The following RFX3 variants were observed in gnomAD, a reference collection of about 807,000 sequenced individuals.
RFX3 encodes transcription factor RFX3.
RFX3 carries 14 observed loss-of-function variants against 98.6 expected under a neutral mutation model. The ratio of observed to expected loss-of-function variants is 0.14; its 90% CI spans 0.09 to 0.22. RFX3 has a LOEUF of 0.22. Ranked by LOEUF, RFX3 falls within the 10% of genes least tolerant of loss-of-function variation. The pLI is 1.00. For missense variants in RFX3, 639 were observed against 926.9 expected (o/e 0.69, Z 4.03); for synonymous variants, 383 against 328.4 (o/e 1.17, Z -1.80).
At chr9:3,358,693 A>C (rs970422504) in intron 2 of RFX3, among the ~76,000 whole-genome samples, 1 of 152,118 alleles carries the variant, frequency 6.6e-6, no homozygotes, top group Non-Finnish European at 1.5e-5. Context: ...TCATTCTCAC[A>C]CTGCTATGAA....
chr9:3,319,853 G>GA lies in RFX3; in HGVS notation c.474+10405dup, dbSNP rs199976614. On this transcript the variant is annotated intron_variant, in intron 4 of 16. Transcript: ENST00000617270. ...TAAATGTTTGAGAAAGTCAGTGACC[G>GA]AAAAAAAAAAAAAAACTCAGATTCT... Among the ~76,000 whole-genome samples the GA allele has an allele frequency of 6.4e-3, 780 of 121,236 alleles. 1 individual carries two copies. The highest frequency in any genetic ancestry group is 0.024 in the Middle Eastern group (6 of 254). The allele number at this position is 121,236 out of a possible 152,430, so 79.5% of individuals were successfully genotyped here. A position where few individuals can be genotyped will look rare whatever the true frequency, so the allele number is the denominator to read the frequency against.
At chr9:3,374,326 A>T (rs1000855713) in intron 2 of RFX3, among the ~76,000 whole-genome samples, 5 of 152,174 alleles carry the variant, frequency 3.3e-5, no homozygotes, top group African/African-American at 1.2e-4. Context: ...GCTTCTCAGT[A>T]TATACTCAAA....
chr9:3,486,128 C>CAAAAAAAAAAAAAAAAAAAAAA (rs772747349), intron 1 of RFX3, among the ~76,000 whole-genome samples: 2 of 49,154 alleles, frequency 4.1e-5, no homozygotes, highest in Non-Finnish European at 7.3e-5. Context: ...TGTCTCAAAC[C>CAAAAAAAAAAAAAAAAAAAAAA]AAAAAAAAAA....
At chr9:3,356,179 A>AGGAT (rs959372576) in intron 2 of RFX3, among the ~76,000 whole-genome samples, 1 of 146,270 alleles carries the variant, frequency 6.8e-6, no homozygotes, top group African/African-American at 2.7e-5. Flanking sequence ...GAAGGAAGGA[A>AGGAT]GGAAGGAAGG....
intron 1 of RFX3, among the ~76,000 whole-genome samples, chr9:3,496,007 T>G (rs1349220189): frequency 6.6e-6 from 1 of 151,934 alleles, no homozygotes; most frequent in Non-Finnish European, 1.5e-5. Context: ...GTGCCAAAGG[T>G]AATCAAACTT....
intron 15 of RFX3, among the ~76,000 whole-genome samples, chr9:3,240,941 A>AC (rs1819833972): frequency 6.6e-6 from 1 of 152,224 alleles, no homozygotes; most frequent in East Asian, 1.9e-4. Flanking sequence ...CTGCAGTGCT[A>AC]CCTGACAAAC....
In RFX3 at chr9:3,387,470, T is replaced by C. The variant is rs115188346; in HGVS notation, c.117+8002A>G. On this transcript the variant is annotated intron_variant, in intron 2 of 16. Coordinates refer to ENST00000617270, the MANE Select transcript of RFX3 (RefSeq NM_001282116.2). The stretch of plus-strand genomic sequence containing the variant: ...TTTTTTAACTATTCAGTAGAGATGG[T>C]CAACAAAAGGGCCTTAATATTGGAT... Among the ~76,000 whole-genome samples, 476 of 152,192 alleles carry C rather than the reference T, an allele frequency of 3.1e-3. 1 individual carries two copies. Among genetic ancestry groups the C allele is most frequent in the African/African-American group, 0.011 (451 of 41,530 alleles).
At chr9:3,520,494 C>G (rs936184351) in intron 1 of RFX3, among the ~76,000 whole-genome samples, 1 of 152,036 alleles carries the variant, frequency 6.6e-6, no homozygotes, top group African/African-American at 2.4e-5. Flanking sequence ...AGATTGGATT[C>G]AGTATTCTCC....
intron 1 of RFX3, among the ~76,000 whole-genome samples, chr9:3,485,017 C>T (rs1850139146): frequency 1.3e-5 from 2 of 151,546 alleles, no homozygotes; most frequent in South Asian, 2.1e-4. Context: ...GAGGCTGAAG[C>T]GGGAAGACTG....
chr9:3,302,364 TA>T (rs1828768060), intron 4 of RFX3, among the ~76,000 whole-genome samples: 1 of 151,734 alleles, frequency 6.6e-6, no homozygotes, highest in African/African-American at 2.4e-5. Flanking sequence ...GTACGATTAT[TA>T]ATTAAGTACC....
intron 1 of RFX3, among the ~76,000 whole-genome samples, chr9:3,523,918 G>A (rs1327600308): frequency 6.6e-6 from 1 of 152,078 alleles, no homozygotes; most frequent in African/African-American, 2.4e-5. Context: ...ACAAGGAAAT[G>A]AATTGAAAAA....
chr9:3,524,178 T>C (rs1818990714), intron 1 of RFX3, among the ~76,000 whole-genome samples: 1 of 152,196 alleles, frequency 6.6e-6, no homozygotes, highest in South Asian at 2.1e-4. Context: ...TTAGCACACA[T>C]TCATTATCAA....
intron 15 of RFX3, among the ~76,000 whole-genome samples, chr9:3,232,777 A>C (rs1316058162): frequency 7.1e-6 from 1 of 141,360 alleles, no homozygotes; most frequent in Non-Finnish European, 1.5e-5. Flanking sequence ...AATCTGAGAG[A>C]GAGAGAGAGA....
intron 2 of RFX3, among the ~76,000 whole-genome samples, chr9:3,362,067 A>C (rs1018999477): frequency 1.3e-5 from 2 of 152,236 alleles, no homozygotes; most frequent in Non-Finnish European, 1.5e-5. Context: ...TTTATACTTC[A>C]TGAGCACAGG....
intron 4 of RFX3, among the ~76,000 whole-genome samples, chr9:3,301,833 A>T (rs891618633): frequency 7.2e-5 from 11 of 151,866 alleles, no homozygotes; most frequent in Non-Finnish European, 1.3e-4. Context: ...TCACAAAGTA[A>T]ACCTTTTTTG....
In RFX3 at chr9:3,348,572, A is replaced by G. The variant is rs867488157; in HGVS notation, c.118-1808T>C. 1.2e-4 allele frequency among the ~76,000 whole-genome samples: 19 copies of G among 152,024 alleles called. 1 individual carries two copies. In the South Asian group the frequency reaches 2.1e-3, roughly 17 times the overall value. ...CTATAAAGAATAAATTCCTCTCATT[A>G]ATTATTTAGTTACTTTGAAATAAAG... On this transcript the variant is annotated intron_variant, in intron 2 of 16. Transcript: ENST00000617270.
At chr9:3,336,118 G>C (rs1833146531) in intron 3 of RFX3, among the ~76,000 whole-genome samples, 1 of 151,978 alleles carries the variant, frequency 6.6e-6, no homozygotes, top group African/African-American at 2.4e-5. Flanking sequence ...ATACATTAAG[G>C]AAATAAAATA....
chr9:3,285,533 T>C (rs1176482171), intron 7 of RFX3, among the ~76,000 whole-genome samples: 1 of 151,758 alleles, frequency 6.6e-6, no homozygotes, highest in African/African-American at 2.4e-5. Context: ...GGCTTATCAA[T>C]GTTGTCAGTG....
chr9:3,392,910 T>C (rs1840458642), intron 2 of RFX3, among the ~76,000 whole-genome samples: 2 of 152,068 alleles, frequency 1.3e-5, no homozygotes. Context: ...CATTTATATA[T>C]CATGGTAATA....
Sources: gnomAD v4.1 joint callset for allele counts (sites outside exome capture counted in the v4.1 genomes callset) on GRCh38, gnomAD v4.1.1 for gene constraint, MANE v1.5 for transcripts, NCBI Gene and HGNC (gene_info 2026-07-23, HGNC 2026-07-21) for gene names.